Variants in ZMYND15 observed in about 807,000 individuals in gnomAD.
The protein encoded by ZMYND15 is zinc finger MYND domain-containing protein 15.
A neutral mutation model predicts 81.7 loss-of-function variants in ZMYND15; 54 were observed. The ratio of observed to expected loss-of-function variants is 0.66; its 90% CI spans 0.53 to 0.83. ZMYND15 has a LOEUF of 0.83. Ranked by LOEUF, ZMYND15 falls within the 40% of genes least tolerant of loss-of-function variation. ZMYND15 has a pLI of 0.00. For synonymous variants in ZMYND15, 399 were observed against 387.0 expected (o/e 1.03, Z -0.36); for missense variants, 925 against 973.5 (o/e 0.95, Z 0.66).
Position 4,744,834 on chromosome 17 carries a change from C to G in ZMYND15, c.1838-36C>G, listed in dbSNP as rs186767116. 1 of 1,614,100 alleles carries G rather than the reference C, an allele frequency of 6.2e-7. No individual in the cohort carries two copies. The highest frequency in any genetic ancestry group is 8.5e-7 in the Non-Finnish European group (1 of 1,180,006). ...TGGGGAAGGTGGGAGAGAAGCCCAC[C>G]GTGGGAGCCAGCTTCTCCCTCCTCT... is the stretch of plus-strand genomic sequence containing the variant. On this transcript the variant is annotated intron_variant, in intron 11 of 13. Coordinates refer to ENST00000433935, the MANE Select transcript of ZMYND15 (RefSeq NM_001136046.3). This position sits in a 1 kb window ranked among gnomAD's most constrained non-coding sequence, Gnocchi z 4.1.
At position 4,744,268 on chromosome 17, in the gene ZMYND15, T is replaced by C. The variant is rs1916566461; in HGVS notation, c.1574T>C (p.Met525Thr). The C allele has an allele frequency of 2.5e-6, 4 of 1,614,060 alleles. No individual in the cohort carries two copies. The East Asian group carries it at 8.9e-5, about 36-fold the overall frequency. ...VEAGKEFDLV[M>T]VFWELLVLLP... is the part of the protein sequence containing the mutation. ...GCCGGGAAGGAGTTTGACCTTGTCA[T>C]GGTGTTTTGGGTAAGTCACCCCAGG... Residue 525 changes from methionine (M) to threonine (T), a missense_variant, in exon 9 of 14, where the codon ATG becomes ACG. Coordinates refer to ENST00000433935, the MANE Select transcript of ZMYND15 (RefSeq NM_001136046.3). This position sits in a 1 kb window ranked among gnomAD's most constrained non-coding sequence, Gnocchi z 4.1.
rs940730373 is a variant in ZMYND15 at position 4,745,186 on chromosome 17, C to T, written c.1897-29C>T. 1 of 1,613,848 alleles carries T rather than the reference C, an allele frequency of 6.2e-7. No individual in the cohort carries two copies. Among genetic ancestry groups the T allele is most frequent in the East Asian group, 2.2e-5 (1 of 44,850 alleles). On this transcript the variant is annotated intron_variant, in intron 12 of 13. Coordinates refer to ENST00000433935, the MANE Select transcript of ZMYND15 (RefSeq NM_001136046.3). The surrounding 1 kb of genome is among the most constrained non-coding windows in gnomAD (Gnocchi z 5.2). The stretch of plus-strand genomic sequence containing the variant: ...TGCTGGGATGGATTTGGGGAGGGGC[C>T]TCTCAGAGCGACTCTCGCTCCACCC...
rs1916638357 is a variant in ZMYND15 at position 4,745,749 on chromosome 17, C to A, written c.2058-70C>A. On this transcript the variant is annotated intron_variant, in intron 13 of 13. Coordinates refer to ENST00000433935, the MANE Select transcript of ZMYND15 (RefSeq NM_001136046.3). This position sits in a 1 kb window ranked among gnomAD's most constrained non-coding sequence, Gnocchi z 5.2. ...TCCCTGACCGCGCCCCTGGGAGCCC[C>A]GACCCCTGGGAGCGCCGACCCCTGG... 2 of 1,348,708 alleles carry A rather than the reference C, an allele frequency of 1.5e-6. No individual in the cohort carries two copies. Among genetic ancestry groups the A allele is most frequent in the East Asian group, 2.6e-5 (1 of 39,090 alleles). The allele number at this position is 1,348,708 out of a possible 1,614,324, so 83.5% of individuals were successfully genotyped here.
In ZMYND15 at chr17:4,745,055, C is replaced by G. The variant is rs896640174; in HGVS notation, c.1896+127C>G. ...CTGCTCCACAAACCTGGGGAGTGCC[C>G]ACGGGTCCCCCTGCCTCTCTCTGTG... On this transcript the variant is annotated intron_variant, in intron 12 of 13. Transcript: ENST00000433935. The surrounding 1 kb of genome is among the most constrained non-coding windows in gnomAD (Gnocchi z 5.2). 4.0e-5 allele frequency: 62 copies of G among 1,531,644 alleles called. No homozygotes were observed. In the Admixed American group the frequency reaches 9.9e-4, roughly 24 times the overall value. The allele number at this position is 1,531,644 out of a possible 1,614,324, so 94.9% of individuals were successfully genotyped here. A position where few individuals can be genotyped will look rare whatever the true frequency, so the allele number is the denominator to read the frequency against.
At position 4,743,416 on chromosome 17, in the gene ZMYND15, C is replaced by G. The variant is rs769550403; in HGVS notation, c.1258C>G (p.Pro420Ala). Residue 420 changes from proline (P) to alanine (A), a missense_variant, in exon 6 of 14, where the codon CCC (proline) becomes GCC (alanine). Physicochemically the swap from Pro to Ala is conservative, Grantham distance 27 (BLOSUM62 -1). Transcript: ENST00000433935. The surrounding 1 kb of genome is among the most constrained non-coding windows in gnomAD (Gnocchi z 4.3). ...TCCAGGCCCGGGCTTCTCCAGACAC[C>G]CCCGAGGCAACACGCCATCCCTCAG... The part of the protein sequence containing the change: ...LIPGPGFSRH[P>A]RGNTPSLSLL... 1.2e-6 allele frequency: 2 copies of G among 1,609,374 alleles called. No individual in the cohort carries two copies. The highest frequency in any genetic ancestry group is 2.2e-5 in the East Asian group (1 of 44,874).
chr17:4,742,244 G>A, intron 4 of ZMYND15, 87 bp from the exon 5 acceptor site: 1 of 1,562,070 alleles, frequency 6.4e-7, no homozygotes, highest in South Asian at 1.2e-5. Flanking sequence ...CAGACCGAGT[G>A]ACATATGGGC....
rs980613300 is a variant in ZMYND15, at chr17:4,740,341, A to G, written c.-30-178A>G. On this transcript the variant is annotated intron_variant, in intron 1 of 13. Coordinates refer to ENST00000433935, the MANE Select transcript of ZMYND15 (RefSeq NM_001136046.3). ...TCACCCACTTTCAAGTCCAGCCCCC[A>G]TTTTCCTCCCTAAACTCCCATCCTC... is the stretch of plus-strand genomic sequence containing the variant. The G allele has an allele frequency of 2.7e-5, 31 of 1,146,994 alleles. No homozygotes were observed. The African/African-American group carries it at 4.1e-4, about 15-fold the overall frequency. The allele number at this position is 1,146,994 out of a possible 1,614,324, so 71.1% of individuals were successfully genotyped here. A position where few individuals can be genotyped will look rare whatever the true frequency, so the allele number is the denominator to read the frequency against.
chr17:4,743,661 C>T lies in ZMYND15; in HGVS notation c.1298-106C>T, dbSNP rs566917352. 1 of 1,320,650 alleles carries T rather than the reference C, an allele frequency of 7.6e-7. No individual in the cohort carries two copies. The highest frequency in any genetic ancestry group is 2.4e-5 in the East Asian group (1 of 41,518). 81.8% of individuals were successfully genotyped at this position (1,320,650 alleles called of 1,614,324 possible). A position where few individuals can be genotyped will look rare whatever the true frequency, so the allele number is the denominator to read the frequency against. ...CATCCCTATGCAAACCCCCATTCCT[C>T]TTACTGCGGCTGTCTCAGGGAATAC... On this transcript the variant is annotated intron_variant, in intron 6 of 13. Transcript: ENST00000433935. This position sits in a 1 kb window ranked among gnomAD's most constrained non-coding sequence, Gnocchi z 4.3.
rs754195082 is a variant in ZMYND15 at position 4,740,854 on chromosome 17, C to G, written c.306C>G (p.Pro102=). ...NPPLHLRDLS[P]YISFVSLEDG... is the part of the protein sequence containing the mutation. ...CACTCCACCTGCGAGACCTGAGCCC[C>G]TACATCAGCTTTGTCAGCCTAGAGG... The change falls in exon 2 of 14, where the codon CCC becomes CCG. Residue 102 remains proline (P), a synonymous_variant. Coordinates refer to ENST00000433935, the MANE Select transcript of ZMYND15 (RefSeq NM_001136046.3). 8.9e-6 allele frequency: 14 copies of G among 1,575,654 alleles called. No homozygotes were observed. The highest frequency in any genetic ancestry group is 1.4e-5 in the African/African-American group (1 of 73,940).
chr17:4,744,735 G>GC lies in ZMYND15; in HGVS notation c.1797dup (p.Tyr600LeufsTer10). On this transcript the variant is annotated frameshift_variant, in exon 11 of 14. Transcript: ENST00000433935. LOFTEE classifies it high-confidence loss of function. This position sits in a 1 kb window ranked among gnomAD's most constrained non-coding sequence, Gnocchi z 4.1. ...ACCTGCAGATCAAGGTGTCAGCAAG[G>GC]CCCTACCACCTGTTCCAGGGGCCCA... 6.2e-7 allele frequency: 1 copy of GC among 1,614,164 alleles called. No homozygotes were observed. Among genetic ancestry groups the GC allele is most frequent in the Non-Finnish European group, 8.5e-7 (1 of 1,180,016 alleles).
rs1284779609 is a variant in ZMYND15 at position 4,739,880 on chromosome 17, G to A, written c.-201G>A. On this transcript the variant is annotated 5_prime_UTR_variant, in exon 1 of 14. Transcript: ENST00000433935. This position sits in a 1 kb window ranked among gnomAD's most constrained non-coding sequence, Gnocchi z 5.3. ...GGGCGGCCCGGTGGAGAGAGTCGCC[G>A]CCAGCCCCGGCCGCGCGCACCTGCG... 2 of 985,578 alleles carry A rather than the reference G, an allele frequency of 2.0e-6. No individual in the cohort carries two copies. The highest frequency in any genetic ancestry group is 2.4e-6 in the Non-Finnish European group (2 of 830,206). 61.1% of individuals were successfully genotyped at this position (985,578 alleles called of 1,614,324 possible).
rs1916305561 is a variant in ZMYND15, at chr17:4,739,934, C to T, written c.-147C>T. The T allele has an allele frequency of 1.0e-6, 1 of 985,242 alleles. No individual in the cohort carries two copies. Among genetic ancestry groups the T allele is most frequent in the South Asian group, 4.7e-5 (1 of 21,288 alleles). The allele number at this position is 985,242 out of a possible 1,614,324, so 61.0% of individuals were successfully genotyped here. ...CAGCCACCCGCGGACGCACCGAGCC[C>T]GGGGGGCGTGGCCGCCCGCTGAGCC... On this transcript the variant is annotated 5_prime_UTR_variant, in exon 1 of 14. Transcript: ENST00000433935. This position sits in a 1 kb window ranked among gnomAD's most constrained non-coding sequence, Gnocchi z 5.3.
rs1319516406 is a variant in ZMYND15, at chr17:4,743,996, T to C, written c.1384T>C (p.Trp462Arg). The C allele has an allele frequency of 1.3e-6, 2 of 1,553,780 alleles. No homozygotes were observed. The highest frequency in any genetic ancestry group is 2.0e-5 in the Admixed American group (1 of 51,068). ...PHPPRGVFGS[W>R]QDYYTWRGLS... ...TAGCAACCCTCTCCTGCCAGGCTCATGGCAGGATTACTACACATGGCGGGG... is the reference window on the plus strand; with the variant it reads ...TAGCAACCCTCTCCTGCCAGGCTCACGGCAGGATTACTACACATGGCGGGG... Residue 462 changes from tryptophan (W) to arginine (R), a missense_variant, in exon 8 of 14, where the codon TGG (tryptophan) becomes CGG (arginine). Transcript: ENST00000433935. This position sits in a 1 kb window ranked among gnomAD's most constrained non-coding sequence, Gnocchi z 4.3.
intron 4 of ZMYND15, 128 bp downstream of exon 4, chr17:4,742,198 C>A (rs1385438414): frequency 2.6e-6 from 4 of 1,533,212 alleles, no homozygotes; most frequent in African/African-American, 1.4e-5. Context: ...GGAAACAATA[C>A]AGACTGTTAC....
At chr17:4,741,274 G>A (rs918764280) in intron 2 of ZMYND15, 134 bp downstream of exon 2, 1 of 1,058,698 alleles carries the variant, frequency 9.4e-7, no homozygotes, top group East Asian at 3.0e-5. Context: ...TTGACCCACA[G>A]TGGGGTTTTT....
In ZMYND15 at chr17:4,740,015, G is replaced by T. The variant is rs1916310696; in HGVS notation, c.-66G>T. The T allele has an allele frequency of 2.0e-6, 2 of 985,412 alleles. No homozygotes were observed. The highest frequency in any genetic ancestry group is 3.5e-5 in the African/African-American group (2 of 57,336). 61.0% of individuals were successfully genotyped at this position (985,412 alleles called of 1,614,324 possible). On this transcript the variant is annotated 5_prime_UTR_variant, in exon 1 of 14. The change creates a premature stop within an existing upstream ORF in the 5' untranslated region. Transcript: ENST00000433935. ...ACCGCACCCGCGCACCCTCCACCGC[G>T]AGGTATTTACCTTCGAAAAGTGGTG...
chr17:4,741,166 C>G (rs998283115), intron 2 of ZMYND15, 26 bp downstream of exon 2: 34 of 1,413,388 alleles, frequency 2.4e-5, no homozygotes, highest in Admixed American at 3.3e-5. Flanking sequence ...TGGCCCTGCC[C>G]TACCCCTTGC....
chr17:4,745,952 G>C lies in ZMYND15; in HGVS notation c.2191G>C (p.Glu731Gln), dbSNP rs945761217. Reference sequence around the variant, plus strand: ...TGCCCCCACCCGAAGGCGCCGAGGAGAAAAGAAACCTGGGCGGGGGGCCCG... The same window carrying C: ...TGCCCCCACCCGAAGGCGCCGAGGACAAAAGAAACCTGGGCGGGGGGCCCG... Reference protein sequence around the residue: ...PPAPTRRRRGEKKPGRGARRR... With the variant: ...PPAPTRRRRGQKKPGRGARRR... Residue 731 changes from glutamate (E) to glutamine (Q), a missense_variant, in exon 14 of 14, where the codon GAA (glutamate) becomes CAA (glutamine). By Grantham distance (29) the Glu-to-Gln change is conservative. Transcript: ENST00000433935. This position sits in a 1 kb window ranked among gnomAD's most constrained non-coding sequence, Gnocchi z 5.2. The C allele has an allele frequency of 1.4e-6, 2 of 1,466,744 alleles. No homozygotes were observed. The highest frequency in any genetic ancestry group is 2.9e-5 in the Admixed American group (1 of 34,210). 90.9% of individuals were successfully genotyped at this position (1,466,744 alleles called of 1,614,324 possible).
In ZMYND15 at chr17:4,742,424, C is replaced by T. The variant is rs748326899; in HGVS notation, c.1077C>T (p.Cys359=). 3 of 1,614,078 alleles carry T rather than the reference C, an allele frequency of 1.9e-6. No individual in the cohort carries two copies. Among genetic ancestry groups the T allele is most frequent in the Non-Finnish European group, 2.5e-6 (3 of 1,180,044 alleles). ...CPDDVSHRFW[C]PRLAAFMERA... ...ATGATGTGAGTCACCGATTTTGGTG[C>T]CCAAGGCTTGCAGCCTTCATGGAGC... Residue 359 remains cysteine (C), a synonymous_variant, in exon 5 of 14, where the codon TGC becomes TGT. Transcript: ENST00000433935.
Sources: allele counts gnomAD v4.1 joint callset, GRCh38; gene constraint gnomAD v4.1.1; non-coding constraint Gnocchi (gnomAD v3.1); transcripts MANE v1.5; gene names NCBI Gene and HGNC (gene_info 2026-07-23, HGNC 2026-07-21).